PRICKLE2: variants seen among roughly 807,000 people sequenced by gnomAD.
PRICKLE2 encodes the protein prickle-like protein 2.
Under a neutral mutation model 81.4 loss-of-function variants are expected in PRICKLE2, and 21 were observed. That is an observed-to-expected ratio of 0.26 (90% confidence interval 0.18 to 0.37). The LOEUF is 0.37. Ranked by LOEUF, PRICKLE2 falls within the 10% of genes least tolerant of loss-of-function variation. The probability of loss-of-function intolerance (pLI) is 1.00; values close to 1 mark genes in which losing one functional copy is unlikely to be tolerated. For missense variants in PRICKLE2, 940 were observed against 1,109.0 expected (o/e 0.85, Z 2.16); for synonymous variants, 456 against 421.5 (o/e 1.08, Z -1.00).
chr3:64,131,894 T>C (rs1337272548), intron 7 of PRICKLE2, among the ~76,000 whole-genome samples: 1 of 152,206 alleles, frequency 6.6e-6, no homozygotes, highest in Non-Finnish European at 1.5e-5. Context: ...ACCAGGGCAG[T>C]GTTCTCAGAG....
intron 1 of PRICKLE2, among the ~76,000 whole-genome samples, chr3:64,203,437 T>C (rs2078625704): frequency 1.3e-5 from 2 of 152,286 alleles, no homozygotes; most frequent in Middle Eastern, 3.4e-3. Context: ...ACTAATGCTT[T>C]TTACTAGAAA....
chr3:64,244,132 G>C (rs1262564961), intron 2 of PRICKLE2, among the ~76,000 whole-genome samples: 1 of 152,192 alleles, frequency 6.6e-6, no homozygotes, highest in Non-Finnish European at 1.5e-5. Flanking sequence ...CAGTGGCTCA[G>C]AGCAACCCTT....
intron 7 of PRICKLE2, chr3:64,141,696 G>C: frequency 2.0e-6 from 1 of 505,322 alleles, no homozygotes. Flanking sequence ...AACACATTGG[G>C]AGAGGCCAAA....
intron 2 of PRICKLE2, among the ~76,000 whole-genome samples, chr3:64,176,903 T>C (rs1323250427): frequency 6.6e-6 from 1 of 152,122 alleles, no homozygotes; most frequent in African/African-American, 2.4e-5. Flanking sequence ...GAAGGTAATA[T>C]CTTGGCCTGC....
chr3:64,121,492 A>C (rs1213791340), intron 7 of PRICKLE2, among the ~76,000 whole-genome samples: 1 of 151,924 alleles, frequency 6.6e-6, no homozygotes. Context: ...TTTCTGTCTC[A>C]GTTATTGTAA....
intron 2 of PRICKLE2, among the ~76,000 whole-genome samples, chr3:64,234,034 G>A (rs1033728399): frequency 6.6e-6 from 1 of 152,054 alleles, no homozygotes; most frequent in Non-Finnish European, 1.5e-5. Flanking sequence ...ATATTCCATT[G>A]TACTAATATA....
rs1398430092 is a variant in PRICKLE2, at chr3:64,147,057, C to T, written c.1433G>A (p.Arg478Lys). The change falls in exon 7 of 8, where the codon AGA becomes AAA. Residue 478 changes from arginine to lysine, a missense_variant. Coordinates refer to ENST00000638394, the MANE Select transcript of PRICKLE2 (RefSeq NM_198859.4). The surrounding 1 kb of genome is among the most constrained non-coding windows in gnomAD (Gnocchi z 5.0). ...CATATCACTGTAGCTCTCCTGAGAT[C>T]TCAGCCTCCCCGGGTAATAGTCTTC... ...CREDYYPGRLRSQESYSDMSS... is the reference protein window; with the variant it reads ...CREDYYPGRLKSQESYSDMSS... The T allele has an allele frequency of 1.9e-6, 3 of 1,614,054 alleles. No homozygotes were observed. Among genetic ancestry groups the T allele is most frequent in the Non-Finnish European group, 2.5e-6 (3 of 1,180,048 alleles).
At chr3:64,219,444 A>T (rs2078918161) in intron 1 of PRICKLE2, among the ~76,000 whole-genome samples, 1 of 152,188 alleles carries the variant, frequency 6.6e-6, no homozygotes, top group Non-Finnish European at 1.5e-5. Context: ...GACCAGAAGA[A>T]TTCCCTATGT....
At chr3:64,136,126 G>A (rs1277764439) in intron 7 of PRICKLE2, among the ~76,000 whole-genome samples, 1 of 152,098 alleles carries the variant, frequency 6.6e-6, no homozygotes, top group Non-Finnish European at 1.5e-5. Flanking sequence ...ACTACACCAA[G>A]AGTGATTTGA....
chr3:64,251,762 C>A (rs2079450004), intron 2 of PRICKLE2, among the ~76,000 whole-genome samples: 1 of 152,200 alleles, frequency 6.6e-6, no homozygotes. Context: ...GCCCCTTGAT[C>A]CAGATTGGGT....
intron 7 of PRICKLE2, among the ~76,000 whole-genome samples, chr3:64,118,639 G>A (rs988606170): frequency 6.6e-6 from 1 of 151,684 alleles, no homozygotes; most frequent in African/African-American, 2.4e-5. Context: ...TCAAAACCAT[G>A]ATGAGATAAC....
intron 2 of PRICKLE2, among the ~76,000 whole-genome samples, chr3:64,166,478 A>C (rs1345481315): frequency 1.3e-5 from 2 of 152,200 alleles, no homozygotes; most frequent in Non-Finnish European, 2.9e-5. Context: ...TCCATCCTAA[A>C]GACTGAATTC....
chr3:64,183,441 C>A (rs2078168388), intron 2 of PRICKLE2, among the ~76,000 whole-genome samples: 1 of 151,818 alleles, frequency 6.6e-6, no homozygotes, highest in South Asian at 2.1e-4. Context: ...TATAGTATAA[C>A]CATAGGTTAT....
At chr3:64,172,148 T>C (rs1332702147) in intron 2 of PRICKLE2, among the ~76,000 whole-genome samples, 2 of 152,248 alleles carry the variant, frequency 1.3e-5, no homozygotes, top group Admixed American at 1.3e-4. Flanking sequence ...ATCTGACATT[T>C]ATTTTATCTT....
At chr3:64,186,752 T>C (rs2078242024) in intron 2 of PRICKLE2, among the ~76,000 whole-genome samples, 2 of 152,138 alleles carry the variant, frequency 1.3e-5, no homozygotes, top group South Asian at 4.1e-4. Flanking sequence ...ATAAATAGAT[T>C]GAGGAAGGAA....
intron 2 of PRICKLE2, among the ~76,000 whole-genome samples, chr3:64,188,663 A>G (rs2078279670): frequency 6.6e-6 from 1 of 152,204 alleles, no homozygotes; most frequent in South Asian, 2.1e-4. Context: ...TAGCCATCCA[A>G]TATAAAGTAG....
chr3:64,201,003 C>T (rs1225942180), intron 1 of PRICKLE2: 1 of 150,134 alleles, frequency 6.7e-6, no homozygotes, highest in Non-Finnish European at 1.5e-5. Context: ...GATCTCGGCT[C>T]ACTGCAAGCT....
chr3:64,266,928 A>C (rs79912132), intron 2 of PRICKLE2, among the ~76,000 whole-genome samples: 1,957 of 141,896 alleles, frequency 0.014, 35 homozygotes, highest in African/African-American at 0.046. Flanking sequence ...CATGTCTTCC[A>C]GCTGCCTCAT....
At chr3:64,110,538 A>C (rs144896766) in intron 7 of PRICKLE2, among the ~76,000 whole-genome samples, 5 of 152,304 alleles carry the variant, frequency 3.3e-5, no homozygotes, top group Non-Finnish European at 5.9e-5. Flanking sequence ...GGAAGGAAAT[A>C]AAGGGGATGC....
Sources: allele counts gnomAD v4.1 joint callset (sites outside exome capture counted in the v4.1 genomes callset), GRCh38; gene constraint gnomAD v4.1.1; non-coding constraint Gnocchi (gnomAD v3.1); transcripts MANE v1.5; gene names NCBI Gene and HGNC (gene_info 2026-07-23, HGNC 2026-07-21).